Variants in NOP58 observed in about 807,000 individuals in gnomAD.
The protein encoded by NOP58 is nucleolar protein 58.
Under a neutral mutation model 71.2 loss-of-function variants are expected in NOP58, and 44 were observed. The ratio of observed to expected loss-of-function variants is 0.62; its 90% confidence interval spans 0.49 to 0.79. The LOEUF (loss-of-function observed/expected upper bound fraction) is 0.79, where lower values mean the gene tolerates loss of function less well. Ranked by LOEUF, NOP58 falls within the 30% of genes least tolerant of loss-of-function variation. NOP58 has a pLI of 0.00. For missense variants in NOP58, 538 were observed against 620.2 expected (o/e 0.87, Z 1.41); for synonymous variants, 228 against 200.3 (o/e 1.14, Z -1.17).
intron 3 of NOP58, chr2:202,278,353 C>T (rs577904267): frequency 8.5e-6 from 4 of 473,058 alleles, no homozygotes; most frequent in South Asian, 6.3e-5. Context: ...GTATACAGCT[C>T]TCTCCTCATT....
At chr2:202,288,451 C>T (rs1353710006) in intron 6 of NOP58, among the ~76,000 whole-genome samples, 1 of 147,724 alleles carries the variant, frequency 6.8e-6, no homozygotes, top group African/African-American at 2.5e-5. Context: ...CATTGCACTC[C>T]AGCCTGGGCA....
At chr2:202,297,023 G>A (rs1442243302) in intron 10 of NOP58, among the ~76,000 whole-genome samples, 1 of 152,090 alleles carries the variant, frequency 6.6e-6, no homozygotes, top group Admixed American at 6.6e-5. Flanking sequence ...GTGAGCCACC[G>A]CGCTCGGCCA....
At chr2:202,284,682 C>G (rs567031661) in intron 5 of NOP58, 2 of 514,410 alleles carry the variant, frequency 3.9e-6, no homozygotes, top group Non-Finnish European at 3.4e-6. Context: ...GATTTGAACC[C>G]AGGCAGTCTG....
chr2:202,303,093 G>A (rs1288077643), intron 14 of NOP58, 36 bp downstream of exon 14: 1 of 1,598,444 alleles, frequency 6.3e-7, no homozygotes, highest in Non-Finnish European at 8.5e-7. Context: ...TTCACTTGGA[G>A]GGGCCAGTTC....
At chr2:202,302,122 C>A (rs1027703386) in intron 13 of NOP58, among the ~76,000 whole-genome samples, 39 of 120,976 alleles carry the variant, frequency 3.2e-4, no homozygotes, top group African/African-American at 1.2e-3. Context: ...GAGTCTCCCT[C>A]TGTCGCCCAG....
chr2:202,291,947 C>A (rs1574386118), intron 8 of NOP58, among the ~76,000 whole-genome samples: 1 of 113,746 alleles, frequency 8.8e-6, no homozygotes, highest in Admixed American at 1.1e-4. Flanking sequence ...GAGCATGATA[C>A]AAATGTTTAT....
chr2:202,303,416 AAG>A lies in NOP58; in HGVS notation c.1578_1579del (p.Asn527ArgfsTer32), dbSNP rs771261466. On this transcript the variant is annotated frameshift_variant, in exon 15 of 15. Coordinates refer to ENST00000264279, the MANE Select transcript of NOP58 (RefSeq NM_015934.5). LOFTEE classifies it high-confidence loss of function. ...AGAGAAAAAGAAGAAAAAGAAAAAAAAGAGAGAGAACGAGGATTAACAGAAAG... is the reference window on the plus strand; with the variant it reads ...AGAGAAAAAGAAGAAAAAGAAAAAAAAGAGAGAACGAGGATTAACAGAAAG... ...SPEKKKKKKK[K>X]RENED 2.5e-6 allele frequency: 4 copies of A among 1,612,094 alleles called. No individual in the cohort carries two copies. The highest frequency in any genetic ancestry group is 2.5e-6 in the Non-Finnish European group (3 of 1,179,048).
At position 202,297,892 on chromosome 2, in the gene NOP58, A is replaced by T. The variant is rs141356456; in HGVS notation, c.1254A>T (p.Lys418Asn). Residue 418 changes from lysine (K) to asparagine (N), a missense_variant, in exon 12 of 15, where the codon AAA (lysine) becomes AAT (asparagine). Transcript: ENST00000264279. ...GTGKALAKTE[K>N]YEHKSEVKTY... The stretch of plus-strand genomic sequence containing the variant: ...GAAAAGCATTAGCAAAAACAGAAAA[A>T]TATGAACACAAAAGGTGAGTACATT... 6.3e-6 allele frequency: 10 copies of T among 1,586,076 alleles called. No individual in the cohort carries two copies. The African/African-American group carries it at 1.2e-4, about 19-fold the overall frequency.
intron 3 of NOP58, among the ~76,000 whole-genome samples, chr2:202,278,793 C>T (rs1260396645): frequency 6.6e-6 from 1 of 152,084 alleles, no homozygotes; most frequent in Non-Finnish European, 1.5e-5. Flanking sequence ...AAGAATATGA[C>T]AGATGCAAAA....
rs1213354562 is a variant in NOP58, at chr2:202,282,303, G to A, written c.176-48G>A. 1.9e-6 allele frequency: 3 copies of A among 1,554,706 alleles called. No homozygotes were observed. The African/African-American group carries it at 4.1e-5, about 21-fold the overall frequency. On this transcript the variant is annotated intron_variant, in intron 3 of 14. Coordinates refer to ENST00000264279, the MANE Select transcript of NOP58 (RefSeq NM_015934.5). The stretch of plus-strand genomic sequence containing the variant: ...GTGTCAACTAGGGCAAGGTCTCAAA[G>A]TTAAAAATTTGAGAGTTAATGCTTT...
chr2:202,272,915 A>G (rs1199269071), intron 1 of NOP58, among the ~76,000 whole-genome samples: 1 of 152,152 alleles, frequency 6.6e-6, no homozygotes, highest in Non-Finnish European at 1.5e-5. Context: ...TGGGTGCATC[A>G]TGAGGTCAGG....
intron 3 of NOP58, among the ~76,000 whole-genome samples, chr2:202,280,973 C>G (rs1450890942): frequency 6.6e-6 from 1 of 151,796 alleles, no homozygotes; most frequent in Non-Finnish European, 1.5e-5. Flanking sequence ...CCGCTCACCT[C>G]AGCCTCCTGA....
intron 3 of NOP58, among the ~76,000 whole-genome samples, chr2:202,279,707 A>G (rs1431598933): frequency 1.3e-5 from 2 of 152,096 alleles, no homozygotes; most frequent in African/African-American, 2.4e-5. Context: ...GGCAGGAGAA[A>G]CACTTGAACC....
chr2:202,280,841 C>CT (rs1688690728), intron 3 of NOP58, among the ~76,000 whole-genome samples: 1 of 148,128 alleles, frequency 6.8e-6, no homozygotes. Context: ...ACTGTAGTCT[C>CT]TGCCTCCTGA....
chr2:202,298,689 A>C (rs1029905374), intron 12 of NOP58, among the ~76,000 whole-genome samples: 13 of 152,326 alleles, frequency 8.5e-5, no homozygotes, highest in African/African-American at 2.4e-4. Context: ...AAAAAGTATA[A>C]AGACAGAAAA....
intron 6 of NOP58, among the ~76,000 whole-genome samples, chr2:202,289,433 T>G (rs961156539): frequency 6.6e-6 from 1 of 152,336 alleles, no homozygotes; most frequent in African/African-American, 2.4e-5. Context: ...ATGCACAAAA[T>G]TATTTAAAAT....
intron 4 of NOP58, among the ~76,000 whole-genome samples, chr2:202,283,819 ATCTTTT>A (rs1218641572): frequency 1.3e-5 from 2 of 152,152 alleles, no homozygotes; most frequent in Non-Finnish European, 2.9e-5. Context: ...AATTATATTA[ATCTTTT>A]TATAGCTTTT....
chr2:202,292,779 G>C lies in NOP58; in HGVS notation c.783G>C (p.Val261=), dbSNP rs146175204. The C allele has an allele frequency of 1.2e-6, 2 of 1,608,774 alleles. No homozygotes were observed. The highest frequency in any genetic ancestry group is 1.7e-5 in the Admixed American group (1 of 60,006). The part of the protein sequence containing the change: ...ICNILHLCTQ[V]IEISEYRTQL... ...CTTAACTTTATTCCTTATACTAGGT[G>C]ATTGAAATCTCTGAATATCGAACCC... Residue 261 remains valine (V), a splice_region_variant and synonymous_variant, in exon 9 of 15, where the codon GTG becomes GTC. Transcript: ENST00000264279.
chr2:202,297,211 T>A (rs1054376012), intron 10 of NOP58, among the ~76,000 whole-genome samples, 168 bp from the exon 11 acceptor site: 4 of 152,094 alleles, frequency 2.6e-5, no homozygotes, highest in Non-Finnish European at 5.9e-5. Flanking sequence ...GCCACAGAAG[T>A]GTTGGTGGTG....
Sources: gnomAD v4.1 joint callset for allele counts (sites outside exome capture counted in the v4.1 genomes callset) on GRCh38, gnomAD v4.1.1 for gene constraint, MANE v1.5 for transcripts, NCBI Gene and HGNC (gene_info 2026-07-23, HGNC 2026-07-21) for gene names.